The following SLCO1B3 variants were observed in gnomAD, a reference collection of about 807,000 sequenced individuals.
SLCO1B3 encodes liver-specific organic anion transporter 2.
Under a neutral mutation model 71.8 loss-of-function variants are expected in SLCO1B3, and 72 were observed. The ratio of observed to expected loss-of-function variants is 1.00; its 90% confidence interval spans 0.83 to 1.22. SLCO1B3 has a LOEUF of 1.22. Ranked by LOEUF, SLCO1B3 falls within the 50% of genes most tolerant of loss-of-function variation. The probability of loss-of-function intolerance (pLI) is 0.00; values close to 1 mark genes in which losing one functional copy is unlikely to be tolerated. For missense variants in SLCO1B3, 911 were observed against 819.7 expected, an observed-to-expected ratio of 1.11 and a Z score of -1.36; for synonymous variants, 298 against 278.4, an observed-to-expected ratio of 1.07 and a Z score of -0.70.
At chr12:20,903,609 G>A (rs148435869) in intron 15 of SLCO1B3, among the ~76,000 whole-genome samples, 1,551 of 152,104 alleles carry the variant, frequency 0.01, 16 homozygotes, top group Non-Finnish European at 0.016. Flanking sequence ...AGGGGGAAGT[G>A]CCACACACTT....
At chr12:20,815,555 C>T in intron 2 of SLCO1B3, 119 bp from the exon 3 acceptor site, 1 of 490,790 alleles carries the variant, frequency 2.0e-6, no homozygotes, top group Non-Finnish European at 3.6e-6. Flanking sequence ...CAGGAAATAG[C>T]AGGCCCTGAA....
intron 3 of SLCO1B3, among the ~76,000 whole-genome samples, chr12:20,825,772 C>A (rs1343010883): frequency 7.5e-6 from 1 of 134,022 alleles, no homozygotes; most frequent in Non-Finnish European, 1.5e-5. Context: ...GCACTCCAGC[C>A]TGGGTGACAG....
At chr12:20,830,532 C>T (rs1864518336) in intron 3 of SLCO1B3, among the ~76,000 whole-genome samples, 1 of 152,124 alleles carries the variant, frequency 6.6e-6, no homozygotes, top group Non-Finnish European at 1.5e-5. Context: ...ATAAAGTGAA[C>T]ATAGAGTACC....
intron 3 of SLCO1B3, among the ~76,000 whole-genome samples, chr12:20,830,237 A>G (rs76837903): frequency 0.12 from 18,819 of 152,166 alleles, 1,274 homozygotes; most frequent in Middle Eastern, 0.18. Flanking sequence ...TTGGTCACCA[A>G]TTTACAAATT....
rs142794821 is a variant in SLCO1B3 at position 20,848,585 on chromosome 12, A to G, written c.85-6443A>G. Among the ~76,000 whole-genome samples the G allele has an allele frequency of 7.9e-5, 12 of 152,290 alleles. No homozygotes were observed. In the East Asian group the frequency reaches 2.3e-3, roughly 29 times the overall value. On this transcript the variant is annotated intron_variant, in intron 3 of 15. Coordinates refer to ENST00000381545, the MANE Select transcript of SLCO1B3 (RefSeq NM_019844.4). ...TTGTCATGACTTAAAAGCAACCAAG[A>G]TATCTTTCAATAGGTGAATAGGTAA...
At chr12:20,819,412 C>G (rs1053982120) in intron 3 of SLCO1B3, among the ~76,000 whole-genome samples, 1 of 152,090 alleles carries the variant, frequency 6.6e-6, no homozygotes, top group Non-Finnish European at 1.5e-5. Context: ...TTTGCTGAGC[C>G]TGATGGGTGT....
intron 15 of SLCO1B3, among the ~76,000 whole-genome samples, chr12:20,905,424 G>A (rs569598582): frequency 1.3e-5 from 2 of 152,278 alleles, no homozygotes; most frequent in East Asian, 3.9e-4. Flanking sequence ...ACGTGGCTGG[G>A]TTGCATATTT....
At chr12:20,856,573 GTTT>G (rs1289244526) in intron 4 of SLCO1B3, among the ~76,000 whole-genome samples, 2 of 152,048 alleles carry the variant, frequency 1.3e-5, no homozygotes, top group Non-Finnish European at 2.9e-5. Context: ...GTTTGTTTTT[GTTT>G]TTCAAGGCAG....
At chr12:20,865,684 G>A (rs1865359738) in intron 8 of SLCO1B3, among the ~76,000 whole-genome samples, 1 of 151,810 alleles carries the variant, frequency 6.6e-6, no homozygotes, top group Admixed American at 6.6e-5. Context: ...TACAAATACA[G>A]AAAAAGTTAA....
chr12:20,906,429 C>G (rs1311375013), intron 15 of SLCO1B3, among the ~76,000 whole-genome samples: 1 of 152,132 alleles, frequency 6.6e-6, no homozygotes, highest in African/African-American at 2.4e-5. Flanking sequence ...TGGATCATGA[C>G]ATTATGCATT....
At chr12:20,862,300 A>T (rs560449270) in intron 6 of SLCO1B3, 112 bp from the exon 7 acceptor site, 4 of 1,226,770 alleles carry the variant, frequency 3.3e-6, no homozygotes, top group East Asian at 2.6e-5. Context: ...ATCACTTGTA[A>T]TTAGGAAACA....
Position 20,897,490 on chromosome 12 carries a change from A to T in SLCO1B3, c.1683-946A>T, listed in dbSNP as rs189327081. 3.3e-3 allele frequency among the ~76,000 whole-genome samples: 505 copies of T among 152,310 alleles called. 2 individuals are homozygous for T. The highest frequency in any genetic ancestry group is 0.017 in the Middle Eastern group (5 of 294). ...AACAAGGAAACTGAGGCTAAGAGAG[A>T]TTAAGTGATATACTTCTACAAGTCA... On this transcript the variant is annotated intron_variant, in intron 13 of 15. Coordinates refer to ENST00000381545, the MANE Select transcript of SLCO1B3 (RefSeq NM_019844.4).
At chr12:20,820,628 A>G (rs1481623951) in intron 3 of SLCO1B3, among the ~76,000 whole-genome samples, 2 of 152,164 alleles carry the variant, frequency 1.3e-5, no homozygotes, top group Admixed American at 1.3e-4. Context: ...GAGGTTAATT[A>G]AGTCCTGTTA....
intron 3 of SLCO1B3, among the ~76,000 whole-genome samples, chr12:20,823,390 G>C (rs1864357872): frequency 6.6e-6 from 1 of 152,112 alleles, no homozygotes; most frequent in Admixed American, 6.5e-5. Flanking sequence ...AAAAATTTTA[G>C]ACTTTATTTC....
At position 20,913,243 on chromosome 12, in the gene SLCO1B3, AG is replaced by A. The variant is rs201327440; in HGVS notation, c.1866-2759del. On this transcript the variant is annotated intron_variant, in intron 15 of 15. Transcript: ENST00000381545. Reference sequence around the variant, plus strand: ...TAAGTATCCACTTAACATTGTCCATAGGTTCTTAGAAACTGATTTTAAGCAA... The same window carrying A: ...TAAGTATCCACTTAACATTGTCCATAGTTCTTAGAAACTGATTTTAAGCAA... 6.4e-3 allele frequency among the ~76,000 whole-genome samples: 979 copies of A among 152,262 alleles called. 6 individuals carry two copies. The highest frequency in any genetic ancestry group is 0.022 in the African/African-American group (895 of 41,554).
chr12:20,839,728 T>C (rs1864756976), intron 3 of SLCO1B3, among the ~76,000 whole-genome samples: 1 of 152,132 alleles, frequency 6.6e-6, no homozygotes, highest in African/African-American at 2.4e-5. Context: ...AAATTCTCAG[T>C]TATTATTGTT....
At chr12:20,836,965 T>A (rs895240410) in intron 3 of SLCO1B3, among the ~76,000 whole-genome samples, 1 of 152,188 alleles carries the variant, frequency 6.6e-6, no homozygotes, top group Non-Finnish European at 1.5e-5. Context: ...TTGAAGGTTA[T>A]TACTTGACAA....
intron 3 of SLCO1B3, among the ~76,000 whole-genome samples, chr12:20,850,344 T>A (rs11045557): frequency 0.72 from 109,079 of 150,606 alleles, 42,090 homozygotes; most frequent in South Asian, 0.9. Context: ...CCATGGCGCA[T>A]TCTCGGCTCA....
rs1865342960 is a variant in SLCO1B3, at chr12:20,864,951, G to A, written c.727+2097G>A. ...TCTCCCCATACACACTAAAACTCAT[G>A]TGCTCCCCAGCTCTGGTCTATACTT... is the stretch of plus-strand genomic sequence containing the variant. On this transcript the variant is annotated intron_variant, in intron 8 of 15. Transcript: ENST00000381545. Among the ~76,000 whole-genome samples, 3 of 152,186 alleles carry A rather than the reference G, an allele frequency of 2.0e-5. No individual in the cohort carries two copies. The South Asian group carries it at 6.2e-4, about 32-fold the overall frequency.
Sources: allele counts gnomAD v4.1 joint callset (sites outside exome capture counted in the v4.1 genomes callset), GRCh38; gene constraint gnomAD v4.1.1; transcripts MANE v1.5; gene names NCBI Gene and HGNC (gene_info 2026-07-23, HGNC 2026-07-21).